ZNF827: variants seen among roughly 807,000 people sequenced by gnomAD.
ZNF827 encodes the protein zinc finger protein 827.
Under a neutral mutation model 102.4 loss-of-function variants are expected in ZNF827, and 13 were observed. That is an observed-to-expected ratio of 0.13 (90% confidence interval 0.08 to 0.20). ZNF827 has a LOEUF of 0.20. Among genes scored for constraint, ZNF827 ranks in the 10% least tolerant of loss-of-function variants. The pLI is 1.00. For synonymous variants in ZNF827, 523 were observed against 536.2 expected (o/e 0.98, Z 0.34); for missense variants, 1,103 against 1,344.4 (o/e 0.82, Z 2.81).
intron 3 of ZNF827, among the ~76,000 whole-genome samples, chr4:145,890,727 A>G (rs1007541978): frequency 6.6e-6 from 1 of 152,202 alleles, no homozygotes; most frequent in East Asian, 1.9e-4. Context: ...GCAGGTTTAA[A>G]ATACAAGTTT....
chr4:145,885,179 C>G (rs1482382428), intron 4 of ZNF827, among the ~76,000 whole-genome samples: 2 of 151,940 alleles, frequency 1.3e-5, no homozygotes, highest in African/African-American at 4.8e-5. Flanking sequence ...AGATAGTTAT[C>G]ATTTGCTCAA....
intron 8 of ZNF827, among the ~76,000 whole-genome samples, chr4:145,801,875 C>T (rs1740943606): frequency 7.3e-6 from 1 of 137,498 alleles, no homozygotes; most frequent in Non-Finnish European, 1.6e-5. Flanking sequence ...TGCCAGCAAC[C>T]AAAAGCTCCA....
At chr4:145,912,060 A>AT (rs759111303) in intron 1 of ZNF827, among the ~76,000 whole-genome samples, 21 of 152,236 alleles carry the variant, frequency 1.4e-4, no homozygotes, top group Non-Finnish European at 1.0e-4. Flanking sequence ...TGAAACCCAA[A>AT]TATTCAGAAC....
At chr4:145,909,880 T>A (rs1752141752) in intron 1 of ZNF827, among the ~76,000 whole-genome samples, 1 of 152,110 alleles carries the variant, frequency 6.6e-6, no homozygotes, top group South Asian at 2.1e-4. Context: ...AGGCTCCAAG[T>A]CCACAGTCTG....
In ZNF827 at chr4:145,843,052, G is replaced by A. The variant is rs1010356367; in HGVS notation, c.2279+2904C>T. On this transcript the variant is annotated intron_variant, in intron 7 of 14. Transcript: ENST00000508784. ...TCCTTCTAAAACAGGAGTCAGGAAA[G>A]AAGAAAGAAAATTGGCATTTTTTTT... Among the ~76,000 whole-genome samples the A allele has an allele frequency of 5.3e-5, 8 of 152,152 alleles. No homozygotes were observed. In the East Asian group the frequency reaches 1.2e-3, roughly 22 times the overall value.
chr4:145,801,348 T>C (rs970728734), intron 8 of ZNF827, among the ~76,000 whole-genome samples: 4 of 152,246 alleles, frequency 2.6e-5, no homozygotes, highest in Non-Finnish European at 5.9e-5. Flanking sequence ...GAAAATCATC[T>C]GCAGACATTT....
chr4:145,930,816 G>C (rs1440915544), intron 1 of ZNF827, among the ~76,000 whole-genome samples: 1 of 152,188 alleles, frequency 6.6e-6, no homozygotes, highest in Non-Finnish European at 1.5e-5. Context: ...ATTAGCTACA[G>C]TGCAGCCTCT....
chr4:145,776,535 C>A (rs1166516262), intron 9 of ZNF827, among the ~76,000 whole-genome samples: 3 of 151,000 alleles, frequency 2.0e-5, no homozygotes, highest in Admixed American at 6.6e-5. Flanking sequence ...TGGACACCCA[C>A]AGCCCATTTT....
intron 8 of ZNF827, among the ~76,000 whole-genome samples, chr4:145,820,934 C>T (rs1743080176): frequency 1.3e-5 from 2 of 152,214 alleles, no homozygotes; most frequent in African/African-American, 4.8e-5. Flanking sequence ...ACTGTAGCTT[C>T]AGTGTTCTTG....
rs2126937465 is a variant in ZNF827 at position 145,774,491 on chromosome 4, G to C, written c.2860+15C>G. ...ATGGAGAAGGAGTGTGAGAAGGACAGACAGGAATGGTCACCTGTGTGCTTG... is the reference window on the plus strand; with the variant it reads ...ATGGAGAAGGAGTGTGAGAAGGACACACAGGAATGGTCACCTGTGTGCTTG... On this transcript the variant is annotated intron_variant, in intron 11 of 14. Coordinates refer to ENST00000508784, the MANE Select transcript of ZNF827 (RefSeq NM_001306215.2). 6.2e-7 allele frequency: 1 copy of C among 1,605,370 alleles called. No individual in the cohort carries two copies. The highest frequency in any genetic ancestry group is 2.2e-5 in the East Asian group (1 of 44,724).
At chr4:145,886,687 G>T (rs1412533030) in intron 3 of ZNF827, among the ~76,000 whole-genome samples, 1 of 150,126 alleles carries the variant, frequency 6.7e-6, no homozygotes, top group East Asian at 2.0e-4. Flanking sequence ...CAAAGACAGA[G>T]AAATTGAGGC....
intron 8 of ZNF827, among the ~76,000 whole-genome samples, chr4:145,808,327 C>T (rs1048858714): frequency 1.3e-5 from 2 of 152,120 alleles, no homozygotes; most frequent in Non-Finnish European, 2.9e-5. Context: ...TATCCTGTTT[C>T]CTGGCCTCTT....
chr4:145,786,614 A>T (rs1331687739), intron 8 of ZNF827, among the ~76,000 whole-genome samples: 1 of 152,170 alleles, frequency 6.6e-6, no homozygotes, highest in Non-Finnish European at 1.5e-5. Context: ...TCCATGCAGA[A>T]AGCAGAGGGC....
intron 8 of ZNF827, among the ~76,000 whole-genome samples, chr4:145,791,074 G>A (rs1739609719): frequency 1.3e-5 from 2 of 152,188 alleles, no homozygotes; most frequent in South Asian, 4.2e-4. Flanking sequence ...ACAGGACTGG[G>A]AAATACTGTG....
At position 145,759,042 on chromosome 4, in the gene ZNF827, A is replaced by C. The variant is rs1282804493; in HGVS notation, c.*2574T>G. 1.3e-5 allele frequency: 2 copies of C among 152,174 alleles called. No homozygotes were observed. The highest frequency in any genetic ancestry group is 3.8e-4 in the East Asian group (2 of 5,202). 9.4% of individuals were successfully genotyped at this position (152,174 alleles called of 1,614,324 possible). On this transcript the variant is annotated 3_prime_UTR_variant, in exon 15 of 15. Coordinates refer to ENST00000508784, the MANE Select transcript of ZNF827 (RefSeq NM_001306215.2). ...GATGCTTTTATTTTCCCCTGGTGAA[A>C]CAGATTTTAAAAAACCCCAACTCTT...
At chr4:145,908,883 T>C (rs890038852) in intron 1 of ZNF827, among the ~76,000 whole-genome samples, 11 of 152,118 alleles carry the variant, frequency 7.2e-5, no homozygotes, top group Non-Finnish European at 1.2e-4. Flanking sequence ...GAGGGAATAA[T>C]GAACTCCAGA....
At chr4:145,873,568 AAAAATCTCAAGGAAAGTGCTT>A (rs1425496394) in intron 4 of ZNF827, among the ~76,000 whole-genome samples, 1 of 152,250 alleles carries the variant, frequency 6.6e-6, no homozygotes, top group Non-Finnish European at 1.5e-5. Flanking sequence ...AGGAGTCCAG[AAAAATCTCAAGGAAAGTGCTT>A]AAAATCTAGC....
chr4:145,778,787 T>C (rs182246162), intron 9 of ZNF827, among the ~76,000 whole-genome samples: 18 of 152,350 alleles, frequency 1.2e-4, no homozygotes, highest in African/African-American at 4.1e-4. Flanking sequence ...AGTGTAAAAA[T>C]GGAAATGTTT....
Position 145,902,051 on chromosome 4 carries a change from T to C in ZNF827, c.1093+115A>G, listed in dbSNP as rs1239064446. On this transcript the variant is annotated intron_variant, in intron 2 of 14. Coordinates refer to ENST00000508784, the MANE Select transcript of ZNF827 (RefSeq NM_001306215.2). This position sits in a 1 kb window ranked among gnomAD's most constrained non-coding sequence, Gnocchi z 4.3. Reference sequence around the variant, plus strand: ...AAAGTATTTTTGTTGTGCTCTTGCTTTTTTATTCCTGCCTCAGATCAGATG... The same window carrying C: ...AAAGTATTTTTGTTGTGCTCTTGCTCTTTTATTCCTGCCTCAGATCAGATG... 3 of 1,383,092 alleles carry C rather than the reference T, an allele frequency of 2.2e-6. No homozygotes were observed. Among genetic ancestry groups the C allele is most frequent in the African/African-American group, 1.5e-5 (1 of 68,832 alleles). The allele number at this position is 1,383,092 out of a possible 1,614,324, so 85.7% of individuals were successfully genotyped here. A position where few individuals can be genotyped will look rare whatever the true frequency, so the allele number is the denominator to read the frequency against.
Sources: gnomAD v4.1 joint callset for allele counts (sites outside exome capture counted in the v4.1 genomes callset) on GRCh38, gnomAD v4.1.1 for gene constraint, Gnocchi (gnomAD v3.1) non-coding constraint, MANE v1.5 for transcripts, NCBI Gene and HGNC (gene_info 2026-07-23, HGNC 2026-07-21) for gene names.